Variants in SORBS2 observed in about 807,000 individuals in gnomAD.
SORBS2 encodes the protein sorbin and SH3 domain-containing protein 2.
In SORBS2, 46 loss-of-function variants were observed where a neutral mutation model predicts 97.7. The ratio of observed to expected loss-of-function variants is 0.47; its 90% CI spans 0.37 to 0.60. The LOEUF (loss-of-function observed/expected upper bound fraction) is 0.60. SORBS2 is among the 20% of genes least tolerant of loss of function. The pLI is 0.00. For missense variants in SORBS2, 1,316 were observed against 1,282.3 expected (o/e 1.03, Z -0.40); for synonymous variants, 476 against 473.4 (o/e 1.01, Z -0.07).
At chr4:185,691,623 A>G (rs72700117) in intron 2 of SORBS2, among the ~76,000 whole-genome samples, 10,236 of 152,294 alleles carry the variant, frequency 0.067, 431 homozygotes, top group Middle Eastern at 0.11. Context: ...CAGGAAATAG[A>G]TGGTCACTAC....
At chr4:185,674,165 C>T (rs2097761087) in intron 4 of SORBS2, among the ~76,000 whole-genome samples, 1 of 152,244 alleles carries the variant, frequency 6.6e-6, no homozygotes, top group African/African-American at 2.4e-5. Context: ...CACTTGACCA[C>T]TTAATGTGGG....
Position 185,868,155 on chromosome 4 carries a change from C to CTTTTTTTTTTTTTTTTTTTT in SORBS2, c.-338+88040_-338+88041insAAAAAAAAAAAAAAAAAAAA, listed in dbSNP as rs1431293135. Among the ~76,000 whole-genome samples the CTTTTTTTTTTTTTTTTTTTT allele has an allele frequency of 1.4e-3, 145 of 100,694 alleles. 10 individuals are homozygous for CTTTTTTTTTTTTTTTTTTTT. Among genetic ancestry groups the CTTTTTTTTTTTTTTTTTTTT allele is most frequent in the Middle Eastern group, 5.9e-3 (1 of 170 alleles). The allele number at this position is 100,694 out of a possible 152,430, so 66.1% of individuals were successfully genotyped here. A position where few individuals can be genotyped will look rare whatever the true frequency, so the allele number is the denominator to read the frequency against. On this transcript the variant is annotated intron_variant, in intron 1 of 20. Coordinates refer to the SORBS2 transcript ENST00000284776. ...CCTTTCTCTTTTCTTTTCTTTTTTT[C>CTTTTTTTTTTTTTTTTTTTT]TTTCTTTTTTTTTTTTTTTGAGGCA...
intron 2 of SORBS2, among the ~76,000 whole-genome samples, chr4:185,650,204 A>G (rs900635159): frequency 3.3e-5 from 5 of 152,222 alleles, no homozygotes; most frequent in African/African-American, 1.2e-4. Flanking sequence ...AAAATCAGAC[A>G]CAAATAGAAT....
chr4:185,816,659 T>C (rs779460867), intron 1 of SORBS2, among the ~76,000 whole-genome samples: 1 of 152,130 alleles, frequency 6.6e-6, no homozygotes, highest in Admixed American at 6.5e-5. Flanking sequence ...TGCGTTCATA[T>C]CCCCTGAAGA....
At chr4:185,932,688 C>T (rs1367708220) in intron 1 of SORBS2, among the ~76,000 whole-genome samples, 1 of 152,100 alleles carries the variant, frequency 6.6e-6, no homozygotes, top group African/African-American at 2.4e-5. Flanking sequence ...AGACCAGCCT[C>T]TGCAAACTGC....
chr4:185,925,106 A>G (rs1438319239), intron 1 of SORBS2, among the ~76,000 whole-genome samples: 1 of 152,260 alleles, frequency 6.6e-6, no homozygotes, highest in Non-Finnish European at 1.5e-5. Flanking sequence ...ACAGCTTGCC[A>G]TGATATAAGA....
At chr4:185,793,544 G>T (rs1002983512) in intron 1 of SORBS2, among the ~76,000 whole-genome samples, 4 of 152,290 alleles carry the variant, frequency 2.6e-5, no homozygotes, top group African/African-American at 7.2e-5. Flanking sequence ...CAAATGGATT[G>T]TATATTAAGA....
chr4:185,649,351 C>G (rs892218166), intron 3 of SORBS2, 116 bp downstream of exon 12: 1 of 841,124 alleles, frequency 1.2e-6, no homozygotes, highest in Non-Finnish European at 1.8e-6. Flanking sequence ...TATAGACTAG[C>G]AAGATTACAC....
At chr4:185,842,738 C>A (rs560295921) in intron 1 of SORBS2, among the ~76,000 whole-genome samples, 2 of 152,012 alleles carry the variant, frequency 1.3e-5, no homozygotes, top group Non-Finnish European at 1.5e-5. Context: ...AGATCGAGAC[C>A]ATTTTGGCCA....
chr4:185,772,897 G>A (rs2098979544), intron 2 of SORBS2: 1 of 152,134 alleles, frequency 6.6e-6, no homozygotes, highest in Admixed American at 6.5e-5. Context: ...GAAACCTTTG[G>A]CAACACAGGC....
intron 1 of SORBS2, among the ~76,000 whole-genome samples, chr4:185,915,224 G>A (rs78885967): frequency 0.028 from 4,201 of 152,266 alleles, 136 homozygotes; most frequent in South Asian, 0.081. Context: ...AAAGAGACCC[G>A]AATGGAACTG....
intron 4 of SORBS2, among the ~76,000 whole-genome samples, chr4:185,635,741 G>A (rs2096985785): frequency 6.6e-6 from 1 of 152,224 alleles, no homozygotes; most frequent in Non-Finnish European, 1.5e-5. Context: ...AAAGGAGCAA[G>A]TGGATAGCAT....
chr4:185,876,490 C>T (rs56370835), intron 1 of SORBS2, among the ~76,000 whole-genome samples: 62,275 of 152,048 alleles, frequency 0.41, 13,111 homozygotes, highest in East Asian at 0.56. Context: ...ATACTTCCAC[C>T]AAGACTGGAA....
At position 185,761,968 on chromosome 4, in the gene SORBS2, A is replaced by G. The variant is rs2098896133; in HGVS notation, c.-198+13259T>C. On this transcript the variant is annotated intron_variant, in intron 2 of 20. Coordinates refer to the SORBS2 transcript ENST00000284776. ...ATGTAATAGAAGTTTGGTAGATGGG[A>G]AGTCTACATGCAAAGCTGATTTATT... Among the ~76,000 whole-genome samples, 3 of 152,236 alleles carry G rather than the reference A, an allele frequency of 2.0e-5. No homozygotes were observed. In the South Asian group the frequency reaches 6.2e-4, roughly 32 times the overall value.
intron 1 of SORBS2, among the ~76,000 whole-genome samples, chr4:185,855,889 A>T (rs1472275972): frequency 6.6e-6 from 1 of 152,212 alleles, no homozygotes; most frequent in African/African-American, 2.4e-5. Context: ...TTGTCAAAAG[A>T]TGACAAGGCA....
chr4:185,892,104 C>A (rs1381591328), intron 1 of SORBS2, among the ~76,000 whole-genome samples: 1 of 152,088 alleles, frequency 6.6e-6, no homozygotes, highest in Non-Finnish European at 1.5e-5. Flanking sequence ...AAGTATTTTT[C>A]CATTTTATAT....
rs182650986 is a variant in SORBS2, at chr4:185,691,509, A to G, written c.-197-12687T>C. 4.1e-4 allele frequency among the ~76,000 whole-genome samples: 62 copies of G among 152,334 alleles called. 2 individuals are homozygous for G. The highest frequency in any genetic ancestry group is 1.4e-3 in the African/African-American group (60 of 41,578). On this transcript the variant is annotated intron_variant, in intron 2 of 20. Coordinates refer to the SORBS2 transcript ENST00000284776. ...TGGCACTTTAAAATCATTGCCTTACATGTGCAGGTCAGTTGACTACCGGGG... is the reference window on the plus strand; with the variant it reads ...TGGCACTTTAAAATCATTGCCTTACGTGTGCAGGTCAGTTGACTACCGGGG...
At chr4:185,938,008 CTTTTT>C (rs529655739) in intron 1 of SORBS2, among the ~76,000 whole-genome samples, 8 of 121,328 alleles carry the variant, frequency 6.6e-5, no homozygotes, top group African/African-American at 6.3e-5. Context: ...AGAAATCATT[CTTTTT>C]TTTTTTTTTT....
chr4:185,688,860 T>C (rs1223636367), intron 2 of SORBS2, among the ~76,000 whole-genome samples: 1 of 147,578 alleles, frequency 6.8e-6, no homozygotes, highest in Non-Finnish European at 1.5e-5. Flanking sequence ...ATTTTATGCA[T>C]ATGTTTGAAT....
Sources: allele counts gnomAD v4.1 joint callset (sites outside exome capture counted in the v4.1 genomes callset), GRCh38; gene constraint gnomAD v4.1.1; transcripts MANE v1.5; gene names NCBI Gene and HGNC (gene_info 2026-07-23, HGNC 2026-07-21).